ADGRL2: variants seen among roughly 807,000 people sequenced by gnomAD.
ADGRL2 encodes the protein calcium-independent alpha-latrotoxin receptor 2.
A neutral mutation model predicts 157.4 loss-of-function variants in ADGRL2; 44 were observed. The observed-to-expected ratio is 0.28, with a 90% CI of 0.22 to 0.36. The LOEUF is 0.36. Among genes scored for constraint, ADGRL2 ranks in the 10% least tolerant of loss-of-function variants. The pLI is 1.00. For missense variants in ADGRL2, 1,510 were observed against 1,768.9 expected, an observed-to-expected ratio of 0.85 and a Z score of 2.63; for synonymous variants, 585 against 624.7, an observed-to-expected ratio of 0.94 and a Z score of 0.95.
rs140708054 is a variant in ADGRL2, at chr1:81,787,344, A to G, written c.-101+25492A>G. On this transcript the variant is annotated intron_variant, in intron 2 of 20. Coordinates refer to the ADGRL2 transcript ENST00000359929. ...GTTTCTGTCAAGGCACCTTTCATGT[A>G]GGGAAACTAACTGAACAAGTCACAT... Among the ~76,000 whole-genome samples, 212 of 152,300 alleles carry G rather than the reference A, an allele frequency of 1.4e-3. 6 individuals carry two copies. The South Asian group carries it at 0.04, about 29-fold the overall frequency.
chr1:81,849,522 TA>T (rs1410878030), intron 2 of ADGRL2, among the ~76,000 whole-genome samples: 2 of 151,928 alleles, frequency 1.3e-5, no homozygotes, highest in Non-Finnish European at 2.9e-5. Context: ...TCATTTTACA[TA>T]AAGTACTTTT....
chr1:81,884,777 C>T (rs1039523100), intron 2 of ADGRL2, among the ~76,000 whole-genome samples: 6 of 152,068 alleles, frequency 3.9e-5, no homozygotes, highest in African/African-American at 7.2e-5. Context: ...CATGACCCTT[C>T]CTGCTGATGA....
intron 2 of ADGRL2, among the ~76,000 whole-genome samples, chr1:81,791,587 A>G (rs977942033): frequency 1.3e-5 from 2 of 152,152 alleles, no homozygotes; most frequent in African/African-American, 4.8e-5. Context: ...GGTCAGTGGA[A>G]CAGTGGCACA....
intron 1 of ADGRL2, among the ~76,000 whole-genome samples, chr1:81,345,830 AG>A (rs1333114856): frequency 3.9e-5 from 6 of 152,220 alleles, no homozygotes; most frequent in Non-Finnish European, 1.5e-5. Context: ...GTAACAATAT[AG>A]ATATTCAATT....
chr1:81,356,971 A>AAG (rs1553156788), intron 1 of ADGRL2, among the ~76,000 whole-genome samples: 3 of 99,402 alleles, frequency 3.0e-5, no homozygotes, highest in South Asian at 4.7e-4. Flanking sequence ...AAAAAAAAAA[A>AAG]AAGAAGTTGT....
intron 3 of ADGRL2, among the ~76,000 whole-genome samples, chr1:81,918,743 T>C (rs2094915246): frequency 6.6e-6 from 1 of 152,178 alleles, no homozygotes; most frequent in African/African-American, 2.4e-5. Context: ...CTGAAATTTT[T>C]ACATGAAGAG....
intron 3 of ADGRL2, among the ~76,000 whole-genome samples, chr1:81,593,133 T>C (rs1191120877): frequency 1.3e-5 from 2 of 152,224 alleles, no homozygotes; most frequent in Admixed American, 6.5e-5. Context: ...TTATCACTTT[T>C]CTTAGCCCAT....
intron 1 of ADGRL2, among the ~76,000 whole-genome samples, chr1:81,442,351 A>C (rs1344893680): frequency 6.6e-6 from 1 of 152,230 alleles, no homozygotes; most frequent in Non-Finnish European, 1.5e-5. Context: ...CTTTTTTATT[A>C]CAAATGAAAA....
At chr1:81,945,419 A>G (rs781056903) in intron 6 of ADGRL2, among the ~76,000 whole-genome samples, 142 of 152,120 alleles carry the variant, frequency 9.3e-4, no homozygotes, top group Admixed American at 1.6e-3. Flanking sequence ...CAGAAAAAAA[A>G]GAAAGAAAAA....
At chr1:81,791,931 C>T (rs560390313) in intron 2 of ADGRL2, among the ~76,000 whole-genome samples, 79 of 152,204 alleles carry the variant, frequency 5.2e-4, no homozygotes, top group African/African-American at 1.8e-3. Context: ...TTTCAGAATG[C>T]CATGCGTATT....
In ADGRL2 at chr1:81,632,339, A is replaced by G. The variant is rs550898706; in HGVS notation, c.-143+51359A>G. Among the ~76,000 whole-genome samples the G allele has an allele frequency of 1.0e-3, 154 of 152,324 alleles. 1 individual carries two copies. Among genetic ancestry groups the G allele is most frequent in the African/African-American group, 3.5e-3 (147 of 41,578 alleles). ...CCTTAGTAGGACCTCCTGTGCAGGA[A>G]CTATTGGAGCAAGACCAAAATGAGG... On this transcript the variant is annotated intron_variant, in intron 3 of 24. Transcript: ENST00000370721.
intron 2 of ADGRL2, among the ~76,000 whole-genome samples, chr1:81,574,101 A>G (rs770820676): frequency 2.6e-5 from 4 of 152,172 alleles, no homozygotes; most frequent in Admixed American, 6.6e-5. Context: ...GATATCAAAC[A>G]GACACCTAAA....
chr1:81,890,823 A>G (rs2094243587), intron 2 of ADGRL2, among the ~76,000 whole-genome samples: 2 of 152,112 alleles, frequency 1.3e-5, no homozygotes, highest in African/African-American at 2.4e-5. Flanking sequence ...AAATCTTGAT[A>G]TCTTCTCTTT....
chr1:81,836,390 T>C (rs1571551424), intron 1 of ADGRL2, among the ~76,000 whole-genome samples: 1 of 152,210 alleles, frequency 6.6e-6, no homozygotes, highest in Middle Eastern at 3.4e-3. Flanking sequence ...ATGTGCATTA[T>C]AAGGCTAATG....
rs563163705 is a variant in ADGRL2 at position 81,479,874 on chromosome 1, T to C, written c.-248+34785T>C. On this transcript the variant is annotated intron_variant, in intron 2 of 24. Coordinates refer to the ADGRL2 transcript ENST00000370721. ...TTCCTAATTTAGATGTCTTCATTTG[T>C]TCTCTTAACTCAAAATCACACTTTT... Among the ~76,000 whole-genome samples the C allele has an allele frequency of 5.3e-5, 8 of 152,334 alleles. No individual in the cohort carries two copies. The South Asian group carries it at 1.7e-3, about 32-fold the overall frequency.
intron 1 of ADGRL2, among the ~76,000 whole-genome samples, chr1:81,359,770 C>T (rs1427190336): frequency 6.6e-6 from 1 of 151,990 alleles, no homozygotes; most frequent in Admixed American, 6.6e-5. Context: ...CCACCCCCAA[C>T]CTGTTTCTCT....
intron 2 of ADGRL2, among the ~76,000 whole-genome samples, chr1:81,786,056 A>G (rs2087030553): frequency 6.6e-6 from 1 of 152,180 alleles, no homozygotes; most frequent in Non-Finnish European, 1.5e-5. Flanking sequence ...GTGAGCCATG[A>G]TAGCCCCATT....
At chr1:81,736,142 CAAAAA>C (rs71085371) in intron 1 of ADGRL2, among the ~76,000 whole-genome samples, 25,342 of 92,534 alleles carry the variant, frequency 0.27, 2,396 homozygotes, top group South Asian at 0.36. Context: ...GACCCCGTCT[CAAAAA>C]AAAAAAAAAA....
chr1:81,788,653 T>C (rs1006768973), intron 2 of ADGRL2, among the ~76,000 whole-genome samples: 1 of 152,220 alleles, frequency 6.6e-6, no homozygotes, highest in Non-Finnish European at 1.5e-5. Context: ...TCCTGGATGT[T>C]GCTATGAGCT....
Sources: gnomAD v4.1 joint callset for allele counts (sites outside exome capture counted in the v4.1 genomes callset) on GRCh38, gnomAD v4.1.1 for gene constraint, MANE v1.5 for transcripts, NCBI Gene and HGNC (gene_info 2026-07-23, HGNC 2026-07-21) for gene names.